The following TSFM variants were observed in gnomAD, a reference collection of about 807,000 sequenced individuals.
TSFM encodes elongation factor Ts, mitochondrial.
Under a neutral mutation model 33.4 loss-of-function variants are expected in TSFM, and 29 were observed. That is an observed-to-expected ratio of 0.87 (90% CI 0.65 to 1.18). TSFM has a LOEUF of 1.18. TSFM is among the 50% of genes most tolerant of loss of function. TSFM has a pLI of 0.00. For synonymous variants in TSFM, 178 were observed against 163.5 expected, an observed-to-expected ratio of 1.09 and a Z score of -0.68; for missense variants, 394 against 395.6, an observed-to-expected ratio of 1.00 and a Z score of 0.04.
rs1365129935 is a variant in TSFM, at chr12:57,783,512, T to C, written c.231+229T>C. 5.7e-5 allele frequency: 40 copies of C among 695,996 alleles called. No individual in the cohort carries two copies. The East Asian group carries it at 1.2e-3, about 20-fold the overall frequency. The allele number at this position is 695,996 out of a possible 1,614,324, so 43.1% of individuals were successfully genotyped here. A position where few individuals can be genotyped will look rare whatever the true frequency, so the allele number is the denominator to read the frequency against. On this transcript the variant is annotated intron_variant, in intron 2 of 5. Coordinates refer to ENST00000652027, the MANE Select transcript of TSFM (RefSeq NM_005726.6). ...GACTGTTACGGTGTTTCTTGTTGCC[T>C]GGAGCTGAAAGGGTTTGTGTGAGCT...
Position 57,796,252 on chromosome 12 carries a change from A to T in TSFM, c.647A>T (p.Tyr216Phe), listed in dbSNP as rs755083567. The T allele has an allele frequency of 5.0e-6, 8 of 1,613,432 alleles. No homozygotes were observed. In the Admixed American group the frequency reaches 1.2e-4, roughly 24 times the overall value. ...KVPSGFYVGS[Y>F]VHGAMQSPSL... is the part of the protein sequence containing the mutation. ...CCATCTGGGTTCTACGTTGGCTCTTATGTCCACGGAGCAATGCAGAGTCCC... is the reference window on the plus strand; with the variant it reads ...CCATCTGGGTTCTACGTTGGCTCTTTTGTCCACGGAGCAATGCAGAGTCCC... Residue 216 changes from tyrosine (Y) to phenylalanine (F), a missense_variant, in exon 6 of 6, where the codon TAT becomes TTT. Coordinates refer to ENST00000652027, the MANE Select transcript of TSFM (RefSeq NM_005726.6).
downstream of TSFM, chr12:57,797,940 A>C: frequency 6.2e-7 from 1 of 1,613,246 alleles, no homozygotes; most frequent in Non-Finnish European, 8.5e-7. Flanking sequence ...CAGAGCTGCA[A>C]ATTGCCCTCT....
Position 57,796,214 on chromosome 12 carries a change from A to G in TSFM, c.609A>G (p.Ala203=), listed in dbSNP as rs1445927392. Reference sequence around the variant, plus strand: ...AAAACATGATTCTTAAACGAGCTGCATGGGTGAAGGTGCCATCTGGGTTCT... The same window carrying G: ...AAAACATGATTCTTAAACGAGCTGCGTGGGTGAAGGTGCCATCTGGGTTCT... ...LGENMILKRA[A]WVKVPSGFYV... The change falls in exon 6 of 6, where the codon GCA becomes GCG. Residue 203 remains alanine, a synonymous_variant. Coordinates refer to ENST00000652027, the MANE Select transcript of TSFM (RefSeq NM_005726.6). The G allele has an allele frequency of 1.9e-5, 30 of 1,598,470 alleles. No individual in the cohort carries two copies. The highest frequency in any genetic ancestry group is 2.4e-5 in the Non-Finnish European group (28 of 1,171,216).
intron 4 of TSFM, among the ~76,000 whole-genome samples, chr12:57,789,656 G>A (rs1435345622): frequency 6.6e-6 from 1 of 152,194 alleles, no homozygotes; most frequent in Non-Finnish European, 1.5e-5. Flanking sequence ...GTGAGCCACC[G>A]CACCCAGCCA....
At chr12:57,786,516 TC>T (rs1451145436) in intron 3 of TSFM, among the ~76,000 whole-genome samples, 1 of 152,244 alleles carries the variant, frequency 6.6e-6, no homozygotes, top group African/African-American at 2.4e-5. Context: ...AGAATATTAC[TC>T]CTGAATGTGA....
At chr12:57,795,555 A>G (rs1364396215) in intron 5 of TSFM, among the ~76,000 whole-genome samples, 3 of 152,212 alleles carry the variant, frequency 2.0e-5, no homozygotes, top group African/African-American at 7.2e-5. Flanking sequence ...GTAAATAGGC[A>G]GAACTGAGAC....
Position 57,783,335 on chromosome 12 carries a change from C to T in TSFM, c.231+52C>T. On this transcript the variant is annotated intron_variant, in intron 2 of 5. Coordinates refer to ENST00000652027, the MANE Select transcript of TSFM (RefSeq NM_005726.6). ...GAGTACTAGAGCTCGACCTCAGACT[C>T]TTGGGGCGGTCACGCTGGGGAGCAT... is the stretch of plus-strand genomic sequence containing the variant. The T allele has an allele frequency of 5.0e-6, 8 of 1,607,620 alleles. No individual in the cohort carries two copies. In the South Asian group the frequency reaches 6.6e-5, roughly 13 times the overall value.
intron 4 of TSFM, among the ~76,000 whole-genome samples, chr12:57,792,648 A>G (rs915235316): frequency 2.0e-5 from 3 of 150,688 alleles, no homozygotes; most frequent in African/African-American, 7.3e-5. Flanking sequence ...GCTGGAGTGC[A>G]TTGGCATAAT....
At chr12:57,802,585 AACTTC>A, downstream of TSFM, 1 of 711,342 alleles carries the variant, frequency 1.4e-6, no homozygotes, top group South Asian at 1.5e-5. Context: ...GCTGTCTCTG[AACTTC>A]AGCTTCCTGA....
chr12:57,796,395 G>A lies in TSFM; in HGVS notation c.790G>A (p.Ala264Thr). Reference sequence around the variant, plus strand: ...CCTTGGGCAGCATGTGGTGGGCATGGCCCCCCTCTCTGTTGGCTCCCTGGA... The same window carrying A: ...CCTTGGGCAGCATGTGGTGGGCATGACCCCCCTCTCTGTTGGCTCCCTGGA... Reference protein sequence around the residue: ...RRLGQHVVGMAPLSVGSLDDE... With the variant: ...RRLGQHVVGMTPLSVGSLDDE... Residue 264 changes from alanine to threonine, a missense_variant, in exon 6 of 6, where the codon GCC (alanine) becomes ACC (threonine). By Grantham distance (58) the Ala-to-Thr change is moderately conservative. Around this residue, in one of 3 missense-constraint regions of TSFM, gnomAD observed 186 missense variants for 198.8 expected, o/e 0.94. Coordinates refer to ENST00000652027, the MANE Select transcript of TSFM (RefSeq NM_005726.6). 1 of 1,602,366 alleles carries A rather than the reference G, an allele frequency of 6.2e-7. No homozygotes were observed.
chr12:57,783,119 C>G lies in TSFM; in HGVS notation c.67C>G (p.Leu23Val), dbSNP rs770248416. Residue 23 changes from leucine to valine, a missense_variant, in exon 2 of 6, where the codon CTT becomes GTT. Leu to Val is a conservative substitution (Grantham distance 32, BLOSUM62 1). Transcript: ENST00000652027. Reference protein sequence around the residue: ...ARTGSYPAGSLLRQSPQPRHT... With the variant: ...ARTGSYPAGSVLRQSPQPRHT... ...TTCTTATCTCATCTAGGCTGGGTCT[C>G]TTCTGCGTCAGTCGCCCCAGCCAAG... The G allele has an allele frequency of 3.1e-6, 5 of 1,610,360 alleles. No individual in the cohort carries two copies. The highest frequency in any genetic ancestry group is 4.2e-6 in the Non-Finnish European group (5 of 1,179,598).
downstream of TSFM, chr12:57,797,938 CA>C (rs759429499): frequency 1.9e-5 from 31 of 1,612,978 alleles, no homozygotes; most frequent in African/African-American, 3.7e-4. Context: ...GGCAGAGCTG[CA>C]AATTGCCCTC....
chr12:57,783,025 C>T (rs1955533708), intron 1 of TSFM, 85 bp from the exon 2 acceptor site: 6 of 1,528,994 alleles, frequency 3.9e-6, no homozygotes, highest in Non-Finnish European at 4.4e-6. Context: ...CTGTCCGCTC[C>T]CTAAGGTCGC....
chr12:57,784,809 G>T (rs1955567534), intron 2 of TSFM, among the ~76,000 whole-genome samples: 1 of 151,770 alleles, frequency 6.6e-6, no homozygotes, highest in Non-Finnish European at 1.5e-5. Flanking sequence ...GAACCCAAAA[G>T]GCGGAGGTTG....
In TSFM at chr12:57,797,106, A is replaced by G. The variant is rs1378572907; in HGVS notation, c.*523A>G. ...TTGAAGGTGCTCTGCAGTGGTAGAC[A>G]CACTGGTTCTGGCCTCATTTAATGA... is the stretch of plus-strand genomic sequence containing the variant. On this transcript the variant is annotated 3_prime_UTR_variant, in exon 6 of 6. Coordinates refer to ENST00000652027, the MANE Select transcript of TSFM (RefSeq NM_005726.6). 3.0e-6 allele frequency: 3 copies of G among 985,340 alleles called. No individual in the cohort carries two copies. Among genetic ancestry groups the G allele is most frequent in the South Asian group, 9.4e-5 (2 of 21,292 alleles). The allele number at this position is 985,340 out of a possible 1,614,324, so 61.0% of individuals were successfully genotyped here.
intron 4 of TSFM, among the ~76,000 whole-genome samples, 195 bp downstream of exon 4, chr12:57,787,357 G>T (rs960575884): frequency 1.3e-5 from 2 of 152,062 alleles, no homozygotes; most frequent in African/African-American, 4.8e-5. Context: ...TTTTATTATG[G>T]TGCTTATATA....
intron 4 of TSFM, among the ~76,000 whole-genome samples, chr12:57,791,574 C>A (rs1011447817): frequency 1.3e-5 from 2 of 152,184 alleles, no homozygotes; most frequent in Non-Finnish European, 2.9e-5. Context: ...CACTTATAAT[C>A]TGCTTTTTTC....
chr12:57,783,625 G>A (rs932163854), intron 2 of TSFM: 1 of 555,144 alleles, frequency 1.8e-6, no homozygotes, highest in African/African-American at 1.9e-5. Context: ...ACGGAGTCTT[G>A]CTCTGTGGCC....
chr12:57,789,968 G>C (rs535373432), intron 4 of TSFM, among the ~76,000 whole-genome samples: 13 of 151,976 alleles, frequency 8.6e-5, no homozygotes, highest in Non-Finnish European at 1.8e-4. Context: ...TGTGGAATGG[G>C]CCACTTCTTC....
Sources: allele counts gnomAD v4.1 joint callset (sites outside exome capture counted in the v4.1 genomes callset), GRCh38; gene constraint gnomAD v4.1.1; regional missense constraint gnomAD v4.1.1; transcripts MANE v1.5; gene names NCBI Gene and HGNC (gene_info 2026-07-23, HGNC 2026-07-21).